The following SH3GL3 variants were observed in gnomAD, a reference collection of about 807,000 sequenced individuals.
SH3GL3 encodes the protein SH3 domain containing GRB2 like 3, endophilin A3.
Under a neutral mutation model 47.7 loss-of-function variants are expected in SH3GL3, and 33 were observed. The observed-to-expected ratio is 0.69, with a 90% confidence interval of 0.52 to 0.92. SH3GL3 has a LOEUF of 0.92. SH3GL3 is among the 40% of genes least tolerant of loss of function. The pLI is 0.00. For synonymous variants in SH3GL3, 155 were observed against 148.8 expected, an observed-to-expected ratio of 1.04 and a Z score of -0.30; for missense variants, 363 against 417.8, an observed-to-expected ratio of 0.87 and a Z score of 1.14.
chr15:83,487,896 A>C (rs1461449821), intron 1 of SH3GL3, among the ~76,000 whole-genome samples: 1 of 120,910 alleles, frequency 8.3e-6, no homozygotes, highest in African/African-American at 3.0e-5. Context: ...TTTTTTCCTG[A>C]GACGGAGTCT....
At chr15:83,561,164 C>A (rs1460640046) in intron 2 of SH3GL3, among the ~76,000 whole-genome samples, 1 of 151,866 alleles carries the variant, frequency 6.6e-6, no homozygotes. Context: ...TCTGCATTCC[C>A]CAAATGGAGA....
intron 1 of SH3GL3, chr15:83,489,441 T>G (rs2041763614): frequency 6.6e-6 from 1 of 152,210 alleles, no homozygotes; most frequent in African/African-American, 2.4e-5. Context: ...ACTGCTTCCT[T>G]TGATGGGGGT....
At chr15:83,581,004 C>T (rs185478781) in intron 6 of SH3GL3, among the ~76,000 whole-genome samples, 11 of 152,340 alleles carry the variant, frequency 7.2e-5, no homozygotes, top group Admixed American at 7.2e-4. Context: ...TGCTCTTGTG[C>T]TACCTGTCCA....
At chr15:83,518,396 A>G (rs1426492365) in intron 1 of SH3GL3, among the ~76,000 whole-genome samples, 2 of 152,170 alleles carry the variant, frequency 1.3e-5, no homozygotes, top group Non-Finnish European at 2.9e-5. Context: ...CCTCACCATT[A>G]TCTGTTGTTT....
At chr15:83,549,604 A>C (rs1022240598) in intron 1 of SH3GL3, among the ~76,000 whole-genome samples, 3 of 152,178 alleles carry the variant, frequency 2.0e-5, no homozygotes, top group Admixed American at 1.3e-4. Flanking sequence ...ATACCTGCTT[A>C]GATATTTAGC....
At chr15:83,582,013 G>A (rs1417924819) in intron 6 of SH3GL3, among the ~76,000 whole-genome samples, 2 of 152,204 alleles carry the variant, frequency 1.3e-5, no homozygotes, top group African/African-American at 4.8e-5. Flanking sequence ...GCTTGGCAGG[G>A]TCCTGAGAAG....
At chr15:83,462,323 A>G (rs1238734247) in intron 1 of SH3GL3, among the ~76,000 whole-genome samples, 2 of 152,236 alleles carry the variant, frequency 1.3e-5, no homozygotes, top group Non-Finnish European at 2.9e-5. Flanking sequence ...TCTTCACTTG[A>G]CAGGATAATG....
chr15:83,587,086 G>A lies in SH3GL3; in HGVS notation c.728G>A (p.Arg243Gln), dbSNP rs772476093. 11 of 1,556,540 alleles carry A rather than the reference G, an allele frequency of 7.1e-6. No homozygotes were observed. Among genetic ancestry groups the A allele is most frequent in the African/African-American group, 2.7e-5 (2 of 73,260 alleles). Residue 243 changes from arginine to glutamine, a missense_variant and splice_region_variant, in exon 7 of 9, where the codon CGA (arginine) becomes CAA (glutamine). Physicochemically the swap from Arg to Gln is conservative, Grantham distance 43. Transcript: ENST00000427482. The part of the protein sequence containing the change: ...LQELQSKLQM[R>Q]ISAASSVPRR... ...GAGCTGCAGAGCAAGCTACAGATGC[G>A]GTAAGCACCTCCACGTTTCTTACAA...
intron 1 of SH3GL3, among the ~76,000 whole-genome samples, chr15:83,511,603 A>G (rs903771799): frequency 6.6e-6 from 1 of 152,162 alleles, no homozygotes; most frequent in Non-Finnish European, 1.5e-5. Context: ...AATAATCACT[A>G]TTACTACTAC....
rs533693017 is a variant in SH3GL3 at position 83,564,044 on chromosome 15, G to A, written c.115-1090G>A. Among the ~76,000 whole-genome samples the A allele has an allele frequency of 8.5e-5, 13 of 152,128 alleles. No individual in the cohort carries two copies. In the South Asian group the frequency reaches 2.1e-3, roughly 24 times the overall value. Reference sequence around the variant, plus strand: ...TCATGTTCAGTTTTTAAGTTTTTACGGAGTCAGAATTTTGGTCTTTTTATT... The same window carrying A: ...TCATGTTCAGTTTTTAAGTTTTTACAGAGTCAGAATTTTGGTCTTTTTATT... On this transcript the variant is annotated intron_variant, in intron 2 of 8. Coordinates refer to ENST00000427482, the MANE Select transcript of SH3GL3 (RefSeq NM_003027.5).
chr15:83,513,189 G>A (rs1252282265), intron 1 of SH3GL3, among the ~76,000 whole-genome samples: 3 of 152,242 alleles, frequency 2.0e-5, no homozygotes, highest in African/African-American at 7.2e-5. Flanking sequence ...CGTGGGATTG[G>A]AAGGGTCTTT....
intron 1 of SH3GL3, among the ~76,000 whole-genome samples, chr15:83,490,131 C>G (rs141395897): frequency 0.011 from 1,745 of 152,238 alleles, 17 homozygotes; most frequent in Non-Finnish European, 0.015. Context: ...GGGAACCAAC[C>G]TCAGGGGGAT....
the SH3GL3 span, among the ~76,000 whole-genome samples, chr15:83,625,511 CCAGT>C: frequency 6.6e-6 from 1 of 152,326 alleles, no homozygotes; most frequent in Middle Eastern, 3.4e-3. Context: ...CCAGAGAAGG[CCAGT>C]CAAATTCTTC....
At chr15:83,631,594 T>C in the SH3GL3 span, among the ~76,000 whole-genome samples, 1 of 152,224 alleles carries the variant, frequency 6.6e-6, no homozygotes, top group Non-Finnish European at 1.5e-5. Flanking sequence ...GGTTGGGGCT[T>C]GCACCCTCTG....
intron 1 of SH3GL3, among the ~76,000 whole-genome samples, chr15:83,474,016 CAG>C (rs1350952066): frequency 6.6e-6 from 1 of 152,058 alleles, no homozygotes; most frequent in Non-Finnish European, 1.5e-5. Context: ...CTCCACCTTT[CAG>C]AGTCTTCTTA....
intron 1 of SH3GL3, among the ~76,000 whole-genome samples, chr15:83,510,192 C>G (rs569789829): frequency 6.6e-6 from 1 of 152,122 alleles, no homozygotes; most frequent in Non-Finnish European, 1.5e-5. Context: ...TAATATAGCT[C>G]TGCCTGGTGC....
At chr15:83,587,424 C>A (rs2059983141) in intron 7 of SH3GL3, among the ~76,000 whole-genome samples, 1 of 149,782 alleles carries the variant, frequency 6.7e-6, no homozygotes, top group South Asian at 2.1e-4. Flanking sequence ...GGCTTCATTG[C>A]TGATTTGATG....
chr15:83,516,021 A>G (rs1473011396), intron 1 of SH3GL3, among the ~76,000 whole-genome samples: 1 of 152,100 alleles, frequency 6.6e-6, no homozygotes, highest in Admixed American at 6.5e-5. Flanking sequence ...CTGGAAAAAT[A>G]AAAAACAGAC....
chr15:83,473,385 A>G lies in SH3GL3; in HGVS notation c.45+25807A>G, dbSNP rs374233975. Among the ~76,000 whole-genome samples the G allele has an allele frequency of 2.7e-4, 41 of 151,996 alleles. No homozygotes were observed. The East Asian group carries it at 7.8e-3, about 29-fold the overall frequency. ...CCATTCATCCTTTGCTGGTGTGGAT[A>G]AGGGTACGGCCACATTTTGTTTTCT... On this transcript the variant is annotated intron_variant, in intron 1 of 8. Transcript: ENST00000427482.
Sources: gnomAD v4.1 joint callset for allele counts (sites outside exome capture counted in the v4.1 genomes callset) on GRCh38, gnomAD v4.1.1 for gene constraint, MANE v1.5 for transcripts, NCBI Gene and HGNC (gene_info 2026-07-23, HGNC 2026-07-21) for gene names.